WIF1: variants seen among roughly 807,000 people sequenced by gnomAD.
The protein encoded by WIF1 is Wnt inhibitory factor 1.
In WIF1, 35 loss-of-function variants were observed where a neutral mutation model predicts 53.5. The observed-to-expected ratio is 0.65, with a 90% CI of 0.50 to 0.87. The LOEUF is 0.87. Ranked by LOEUF, WIF1 falls within the 40% of genes least tolerant of loss-of-function variation. The probability of loss-of-function intolerance (pLI) is 0.00; values close to 1 mark genes in which losing one functional copy is unlikely to be tolerated. For synonymous variants in WIF1, 171 were observed against 170.4 expected (o/e 1.00, Z -0.03); for missense variants, 467 against 476.8 (o/e 0.98, Z 0.19).
chr12:65,102,785 C>T (rs1434219592), intron 2 of WIF1, among the ~76,000 whole-genome samples: 1 of 152,144 alleles, frequency 6.6e-6, no homozygotes, highest in Admixed American at 6.6e-5. Flanking sequence ...TGCCCTAGTC[C>T]TGGCCCTCTG....
intron 2 of WIF1, among the ~76,000 whole-genome samples, chr12:65,114,243 C>T (rs1290998343): frequency 6.6e-6 from 1 of 152,046 alleles, no homozygotes; most frequent in South Asian, 2.1e-4. Context: ...AAGTCTCTAA[C>T]TCCAGTCCAA....
chr12:65,078,161 C>A (rs887813360), intron 2 of WIF1, among the ~76,000 whole-genome samples: 1 of 152,178 alleles, frequency 6.6e-6, no homozygotes, highest in Non-Finnish European at 1.5e-5. Context: ...TCACTGCAAC[C>A]TCTGCCTCCC....
intron 2 of WIF1, among the ~76,000 whole-genome samples, chr12:65,107,698 G>A (rs1387436078): frequency 6.6e-6 from 1 of 152,176 alleles, no homozygotes; most frequent in Non-Finnish European, 1.5e-5. Flanking sequence ...TCCTCCCAGT[G>A]GCACATCCAT....
intron 9 of WIF1, among the ~76,000 whole-genome samples, chr12:65,054,858 G>A (rs1434124363): frequency 1.3e-5 from 2 of 152,166 alleles, no homozygotes; most frequent in African/African-American, 4.8e-5. Context: ...TTTTACAGAT[G>A]TGATCTTTTA....
chr12:65,109,737 T>G (rs984374989), intron 2 of WIF1, among the ~76,000 whole-genome samples: 6 of 152,220 alleles, frequency 3.9e-5, no homozygotes, highest in Non-Finnish European at 8.8e-5. Context: ...CTTACCTATG[T>G]GATCTTGGGC....
At chr12:65,073,695 C>T (rs555514822) in intron 3 of WIF1, among the ~76,000 whole-genome samples, 1 of 152,152 alleles carries the variant, frequency 6.6e-6, no homozygotes, top group Non-Finnish European at 1.5e-5. Context: ...TGCTTAAGAG[C>T]AAAGACACAC....
intron 2 of WIF1, among the ~76,000 whole-genome samples, chr12:65,117,107 A>G (rs1473295088): frequency 2.0e-5 from 3 of 151,990 alleles, no homozygotes; most frequent in Non-Finnish European, 4.4e-5. Context: ...TTCTGCCACT[A>G]TTGCTGGACC....
chr12:65,067,673 G>A lies in WIF1; in HGVS notation c.634+22C>T, dbSNP rs771555858. ...CCATGTTCATTAGGAAGGGAGCAAG[G>A]GAAATCGGCTCCATGTCTTACCTTT... On this transcript the variant is annotated intron_variant, in intron 5 of 9. Transcript: ENST00000286574. 11 of 1,605,620 alleles carry A rather than the reference G, an allele frequency of 6.9e-6. No individual in the cohort carries two copies. In the Admixed American group the frequency reaches 1.7e-4, roughly 24 times the overall value.
chr12:65,056,010 C>T (rs1379663165), intron 8 of WIF1, 21 bp downstream of exon 8: 1 of 1,606,198 alleles, frequency 6.2e-7, no homozygotes, highest in South Asian at 1.1e-5. Flanking sequence ...CCCAGATTGG[C>T]AATGTGTATG....
intron 3 of WIF1, among the ~76,000 whole-genome samples, chr12:65,072,674 A>G (rs1391491940): frequency 6.6e-6 from 1 of 152,214 alleles, no homozygotes; most frequent in Non-Finnish European, 1.5e-5. Flanking sequence ...GATGTAGAGA[A>G]TAAAATACTA....
At chr12:65,088,377 G>T (rs1435901270) in intron 2 of WIF1, among the ~76,000 whole-genome samples, 1 of 151,996 alleles carries the variant, frequency 6.6e-6, no homozygotes, top group Non-Finnish European at 1.5e-5. Context: ...TCCAATCCTG[G>T]TTCCTTTCCA....
chr12:65,071,743 A>T (rs1338175800), intron 3 of WIF1, among the ~76,000 whole-genome samples: 3 of 152,180 alleles, frequency 2.0e-5, no homozygotes, highest in Non-Finnish European at 4.4e-5. Context: ...AATAGAAGGC[A>T]TGTAAGCACA....
At chr12:65,100,252 T>C (rs1883262843) in intron 2 of WIF1, among the ~76,000 whole-genome samples, 1 of 152,236 alleles carries the variant, frequency 6.6e-6, no homozygotes, top group Non-Finnish European at 1.5e-5. Flanking sequence ...TTCACAATTA[T>C]AGTCATGCCC....
At chr12:65,071,262 A>C (rs997938321) in intron 3 of WIF1, among the ~76,000 whole-genome samples, 6 of 151,452 alleles carry the variant, frequency 4.0e-5, no homozygotes, top group African/African-American at 1.5e-4. Flanking sequence ...AAAGGAAAGA[A>C]AGAAAAGTGT....
At chr12:65,095,095 AC>A (rs1203540312) in intron 2 of WIF1, among the ~76,000 whole-genome samples, 2 of 147,734 alleles carry the variant, frequency 1.4e-5, no homozygotes, top group Non-Finnish European at 1.5e-5. Context: ...ACCACATCAG[AC>A]TAATTTTTGT....
At chr12:65,076,321 G>A (rs1882860565) in intron 3 of WIF1, among the ~76,000 whole-genome samples, 1 of 151,500 alleles carries the variant, frequency 6.6e-6, no homozygotes, top group Admixed American at 6.6e-5. Flanking sequence ...ATAGGTATGA[G>A]TCACCACACC....
At chr12:65,110,633 G>A (rs1044765988) in intron 2 of WIF1, among the ~76,000 whole-genome samples, 14 of 151,774 alleles carry the variant, frequency 9.2e-5, no homozygotes, top group Admixed American at 7.2e-4. Flanking sequence ...CTGTGCCTCC[G>A]TTGCCTTATC....
chr12:65,066,662 A>T lies in WIF1; in HGVS notation c.709T>A (p.Tyr237Asn). The T allele has an allele frequency of 1.9e-6, 3 of 1,610,040 alleles. No individual in the cohort carries two copies. Among genetic ancestry groups the T allele is most frequent in the Non-Finnish European group, 2.5e-6 (3 of 1,177,946 alleles). The part of the protein sequence containing the change: ...PGFCICPPGF[Y>N]GVNCDKANCS... ...TTACCTTTGTCACAGTTCACTCCAT[A>T]GAATCCAGGTGGGCAGATGCAGAAA... The change falls in exon 6 of 10, where the codon TAT becomes AAT. Residue 237 changes from tyrosine (Y) to asparagine (N), a missense_variant. By Grantham distance (143) the Tyr-to-Asn change is moderately radical (BLOSUM62 -2). Transcript: ENST00000286574.
intron 2 of WIF1, among the ~76,000 whole-genome samples, chr12:65,102,272 G>A (rs982198016): frequency 1.3e-5 from 2 of 152,124 alleles, no homozygotes; most frequent in Admixed American, 6.6e-5. Flanking sequence ...TTCTTATAAG[G>A]AAATTGGCTG....
Sources: allele counts gnomAD v4.1 joint callset (sites outside exome capture counted in the v4.1 genomes callset), GRCh38; gene constraint gnomAD v4.1.1; transcripts MANE v1.5; gene names NCBI Gene and HGNC (gene_info 2026-07-23, HGNC 2026-07-21).